NR1D1: variants seen among roughly 807,000 people sequenced by gnomAD.
NR1D1 encodes nuclear receptor subfamily 1 group D member 1, also known as Rev-ErbAalpha.
NR1D1 carries 17 observed loss-of-function variants against 51.1 expected under a neutral mutation model. That is an observed-to-expected ratio of 0.33 (90% CI 0.23 to 0.50). NR1D1 has a LOEUF of 0.50. Ranked by LOEUF, NR1D1 falls within the 20% of genes least tolerant of loss-of-function variation. The pLI, the probability that NR1D1 is intolerant of heterozygous loss-of-function variation, is 0.98. For missense variants in NR1D1, 647 were observed against 830.4 expected (o/e 0.78, Z 2.71); for synonymous variants, 341 against 333.4 (o/e 1.02, Z -0.25).
At chr17:40,094,179 C>A in intron 6 of NR1D1, 57 bp from the exon 7 acceptor site, 1 of 1,529,400 alleles carries the variant, frequency 6.5e-7, no homozygotes, top group South Asian at 1.1e-5. Context: ...CTGACCAAAT[C>A]GCCCCTGTAG....
In NR1D1 at chr17:40,100,131, C is replaced by T; in HGVS notation, c.-37G>A. On this transcript the variant is annotated 5_prime_UTR_variant, in exon 1 of 8. Coordinates refer to ENST00000246672, the MANE Select transcript of NR1D1 (RefSeq NM_021724.5). The stretch of plus-strand genomic sequence containing the variant: ...CTGAGAGCGGTCATTCAAACTGGAC[C>T]TTGACTCAAACTAGAGGTTGCGATC... 4 of 1,580,188 alleles carry T rather than the reference C, an allele frequency of 2.5e-6. No individual in the cohort carries two copies. The highest frequency in any genetic ancestry group is 3.5e-6 in the Non-Finnish European group (4 of 1,149,308).
Position 40,100,065 on chromosome 17 carries a change from T to G in NR1D1, c.30A>C (p.Thr10=). The G allele has an allele frequency of 6.2e-7, 1 of 1,605,294 alleles. No homozygotes were observed. The highest frequency in any genetic ancestry group is 1.1e-5 in the South Asian group (1 of 90,912). Residue 10 remains threonine, a splice_region_variant and synonymous_variant, in exon 1 of 8, where the codon ACA becomes ACC. Coordinates refer to ENST00000246672, the MANE Select transcript of NR1D1 (RefSeq NM_021724.5). The part of the protein sequence containing the change: MTTLDSNNN[T]GGVITYIGSS... ...ATGATAGTAAAGAAATCTCAGTACC[T>G]GTGTTGTTGTTGGAGTCCAGGGTCG...
Position 40,093,332 on chromosome 17 carries a change from G to A in NR1D1, c.1646-50C>T. On this transcript the variant is annotated intron_variant, in intron 7 of 7. Coordinates refer to ENST00000246672, the MANE Select transcript of NR1D1 (RefSeq NM_021724.5). This position sits in a 1 kb window ranked among gnomAD's most constrained non-coding sequence, Gnocchi z 5.9. Reference sequence around the variant, plus strand: ...GGCGGACTCCCCGAGCTCCTCTGAGGAGGAACCGGAGGTCTGCGAGGACCT... The same window carrying A: ...GGCGGACTCCCCGAGCTCCTCTGAGAAGGAACCGGAGGTCTGCGAGGACCT... The A allele has an allele frequency of 6.2e-7, 1 of 1,613,168 alleles. No homozygotes were observed.
chr17:40,098,493 T>C (rs1987807794), intron 1 of NR1D1, among the ~76,000 whole-genome samples: 1 of 152,150 alleles, frequency 6.6e-6, no homozygotes, highest in Admixed American at 6.5e-5. Context: ...GATGGAATCA[T>C]TAGTTGGCAG....
chr17:40,093,526 T>C lies in NR1D1; in HGVS notation c.1646-244A>G. ...TCCCATCCCGTAAGACCACCTTCCC[T>C]TCCTCAGCAGGCCAAACATGGCCAG... On this transcript the variant is annotated intron_variant, in intron 7 of 7. Coordinates refer to ENST00000246672, the MANE Select transcript of NR1D1 (RefSeq NM_021724.5). This position sits in a 1 kb window ranked among gnomAD's most constrained non-coding sequence, Gnocchi z 5.9. The C allele has an allele frequency of 7.6e-7, 1 of 1,309,582 alleles. No homozygotes were observed. Among genetic ancestry groups the C allele is most frequent in the Non-Finnish European group, 1.0e-6 (1 of 976,058 alleles). 81.1% of individuals were successfully genotyped at this position (1,309,582 alleles called of 1,614,324 possible).
At position 40,096,534 on chromosome 17, in the gene NR1D1, C is replaced by G. The variant is rs1987766499; in HGVS notation, c.513G>C (p.Lys171Asn). 6.2e-7 allele frequency: 1 copy of G among 1,614,226 alleles called. No homozygotes were observed. The highest frequency in any genetic ancestry group is 2.2e-5 in the East Asian group (1 of 44,890). The change falls in exon 4 of 8, where the codon AAG becomes AAC. Residue 171 changes from lysine to asparagine, a missense_variant. By Grantham distance (94) the Lys-to-Asn change is moderately conservative. This residue lies in a region of NR1D1 where 70 missense variants were observed against 134.8 expected (regional missense o/e 0.52). Transcript: ENST00000246672. Reference sequence around the variant, plus strand: ...TGCGGACGATGGAGCAATTCTCATTCTTCAGACACCTTTTGTACTGGATGT... The same window carrying G: ...TGCGGACGATGGAGCAATTCTCATTGTTCAGACACCTTTTGTACTGGATGT... ...QQNIQYKRCL[K>N]NENCSIVRIN...
In NR1D1 at chr17:40,093,416, A is replaced by T; in HGVS notation, c.1646-134T>A. Reference sequence around the variant, plus strand: ...AGAAGGCCGATGGGGAAGGAGAAGGAGTGCCATACCTTCTCCCAGGCCTCT... The same window carrying T: ...AGAAGGCCGATGGGGAAGGAGAAGGTGTGCCATACCTTCTCCCAGGCCTCT... On this transcript the variant is annotated intron_variant, in intron 7 of 7. Coordinates refer to ENST00000246672, the MANE Select transcript of NR1D1 (RefSeq NM_021724.5). This position sits in a 1 kb window ranked among gnomAD's most constrained non-coding sequence, Gnocchi z 5.9. 1 of 1,591,868 alleles carries T rather than the reference A, an allele frequency of 6.3e-7. No individual in the cohort carries two copies. Among genetic ancestry groups the T allele is most frequent in the Non-Finnish European group, 8.6e-7 (1 of 1,168,500 alleles).
In NR1D1 at chr17:40,093,852, G is replaced by A. The variant is rs1032863019; in HGVS notation, c.1645+60C>T. 1 of 1,476,230 alleles carries A rather than the reference G, an allele frequency of 6.8e-7. No individual in the cohort carries two copies. 91.4% of individuals were successfully genotyped at this position (1,476,230 alleles called of 1,614,324 possible). A position where few individuals can be genotyped will look rare whatever the true frequency, so the allele number is the denominator to read the frequency against. ...GGCATAGAGTAGGTACTCCATAAAA[G>A]GTGTGTTGAATTGAACTGCGTCTGC... On this transcript the variant is annotated intron_variant, in intron 7 of 7. Transcript: ENST00000246672. The surrounding 1 kb of genome is among the most constrained non-coding windows in gnomAD (Gnocchi z 5.9).
At chr17:40,097,799 C>T (rs528534510) in intron 1 of NR1D1, among the ~76,000 whole-genome samples, 1 of 152,312 alleles carries the variant, frequency 6.6e-6, no homozygotes, top group South Asian at 2.1e-4. Flanking sequence ...AACAAAAACC[C>T]AGCTGCTGAT....
chr17:40,097,372 G>A lies in NR1D1; in HGVS notation c.63C>T (p.Gly21=), dbSNP rs779577171. The stretch of plus-strand genomic sequence containing the variant: ...CAGGGCTGGTGCGGCTTGGGGAGGA[G>A]CCACTGGAGCCAATGTAGGTGATGA... ...GGVITYIGSS[G]SSPSRTSPES... Residue 21 remains glycine, a synonymous_variant, in exon 2 of 8, where the codon GGC becomes GGT. Coordinates refer to ENST00000246672, the MANE Select transcript of NR1D1 (RefSeq NM_021724.5). 6.2e-7 allele frequency: 1 copy of A among 1,612,540 alleles called. No individual in the cohort carries two copies. The highest frequency in any genetic ancestry group is 8.5e-7 in the Non-Finnish European group (1 of 1,179,394).
rs756119109 is a variant in NR1D1 at position 40,094,100 on chromosome 17, G to A, written c.1457C>T (p.Ser486Leu). 1.9e-6 allele frequency: 3 copies of A among 1,613,852 alleles called. No individual in the cohort carries two copies. Among genetic ancestry groups the A allele is most frequent in the East Asian group, 2.2e-5 (1 of 44,898 alleles). ...TGTCTGGTCCTTCACGTTGAACAAC[G>A]AAGCAAAGCGCACCATCAGCACCTA... ...TFEVLMVRFA[S>L]LFNVKDQTVM... Residue 486 changes from serine to leucine, a missense_variant, in exon 7 of 8, where the codon TCG becomes TTG. By Grantham distance (145) the Ser-to-Leu change is moderately radical. This residue lies in a region of NR1D1 where 155 missense variants were observed against 236.8 expected (regional missense o/e 0.65). Coordinates refer to ENST00000246672, the MANE Select transcript of NR1D1 (RefSeq NM_021724.5).
At position 40,095,076 on chromosome 17, in the gene NR1D1, C is replaced by A; in HGVS notation, c.1293G>T (p.Thr431=). ...AGAAATCCTCCCAGATCTCCTGCAC[C>A]GTTCGCCCACTGCGTCCATGCGGGT... ...NMYPHGRSGR[T]VQEIWEDFSM... is the part of the protein sequence containing the mutation. Residue 431 remains threonine (T), a synonymous_variant, in exon 6 of 8, where the codon ACG becomes ACT. Transcript: ENST00000246672. The A allele has an allele frequency of 6.2e-7, 1 of 1,614,034 alleles. No homozygotes were observed. Among genetic ancestry groups the A allele is most frequent in the Non-Finnish European group, 8.5e-7 (1 of 1,180,022 alleles).
intron 6 of NR1D1, among the ~76,000 whole-genome samples, 183 bp downstream of exon 6, chr17:40,094,752 G>C (rs554920073): frequency 1.3e-4 from 20 of 152,326 alleles, no homozygotes; most frequent in Admixed American, 7.2e-4. Flanking sequence ...ATAAAAATTA[G>C]CCAAGCGTGG....
rs1987639399 is a variant in NR1D1, at chr17:40,092,939, G to A, written c.*144C>T. 3.3e-6 allele frequency: 5 copies of A among 1,532,246 alleles called. No individual in the cohort carries two copies. The highest frequency in any genetic ancestry group is 4.4e-6 in the Non-Finnish European group (5 of 1,138,818). The allele number at this position is 1,532,246 out of a possible 1,614,324, so 94.9% of individuals were successfully genotyped here. A position where few individuals can be genotyped will look rare whatever the true frequency, so the allele number is the denominator to read the frequency against. On this transcript the variant is annotated 3_prime_UTR_variant, in exon 8 of 8. Coordinates refer to ENST00000246672, the MANE Select transcript of NR1D1 (RefSeq NM_021724.5). ...AGGCAGGTATTTACAAGAAGGCTCA[G>A]GGGGCCAGAGGCTCATCTTGGAATA...
At chr17:40,097,451 G>T in intron 1 of NR1D1, 48 bp from the exon 2 acceptor site, 4 of 1,478,338 alleles carry the variant, frequency 2.7e-6, no homozygotes, top group South Asian at 1.2e-5. Context: ...CATGTCTCCG[G>T]ACCTAGGGTG....
chr17:40,097,427 G>C lies in NR1D1; in HGVS notation c.32-24C>G, dbSNP rs570600835. The C allele has an allele frequency of 1.7e-5, 26 of 1,567,714 alleles. No homozygotes were observed. In the East Asian group the frequency reaches 5.4e-4, roughly 33 times the overall value. On this transcript the variant is annotated intron_variant, in intron 1 of 7. Coordinates refer to ENST00000246672, the MANE Select transcript of NR1D1 (RefSeq NM_021724.5). ...ACCTGGAGAGAGAACAAAAGGAAAG[G>C]GGGTGTCAGCCGCCATGTCTCCGGA...
rs760822745 is a variant in NR1D1, at chr17:40,100,055, T to C, written c.31+9A>G. 2 of 1,600,148 alleles carry C rather than the reference T, an allele frequency of 1.2e-6. No homozygotes were observed. Among genetic ancestry groups the C allele is most frequent in the South Asian group, 2.2e-5 (2 of 90,782 alleles). On this transcript the variant is annotated intron_variant, in intron 1 of 7. Transcript: ENST00000246672. ...CAGGGAAAAGATGATAGTAAAGAAA[T>C]CTCAGTACCTGTGTTGTTGTTGGAG...
In NR1D1 at chr17:40,093,836, T is replaced by TA; in HGVS notation, c.1645+75dup. On this transcript the variant is annotated intron_variant, in intron 7 of 7. Coordinates refer to ENST00000246672, the MANE Select transcript of NR1D1 (RefSeq NM_021724.5). The surrounding 1 kb of genome is among the most constrained non-coding windows in gnomAD (Gnocchi z 5.9). ...GCCCGGTGCAGGGCCTGGCATAGAG[T>TA]AGGTACTCCATAAAAGGTGTGTTGA... 7.5e-7 allele frequency: 1 copy of TA among 1,339,684 alleles called. No homozygotes were observed. Among genetic ancestry groups the TA allele is most frequent in the Non-Finnish European group, 1.1e-6 (1 of 941,282 alleles). 83.0% of individuals were successfully genotyped at this position (1,339,684 alleles called of 1,614,324 possible).
At chr17:40,095,414 T>C in intron 5 of NR1D1, 30 bp downstream of exon 5, 1 of 1,513,022 alleles carries the variant, frequency 6.6e-7, no homozygotes, top group Non-Finnish European at 8.8e-7. Context: ...CCAATCTTCT[T>C]AACGCACTCG....
Sources: gnomAD v4.1 joint callset for allele counts (sites outside exome capture counted in the v4.1 genomes callset) on GRCh38, gnomAD v4.1.1 for gene constraint, gnomAD v4.1.1 regional missense constraint, Gnocchi (gnomAD v3.1) non-coding constraint, MANE v1.5 for transcripts, NCBI Gene and HGNC (gene_info 2026-07-23, HGNC 2026-07-21) for gene names.